The following IFT52 variants were observed in gnomAD, a reference collection of about 807,000 sequenced individuals.
IFT52 encodes the protein intraflagellar transport 52.
Under a neutral mutation model 54.4 loss-of-function variants are expected in IFT52, and 44 were observed. The observed-to-expected ratio is 0.81, with a 90% confidence interval of 0.63 to 1.04. The LOEUF (loss-of-function observed/expected upper bound fraction) is 1.04, where lower values mean the gene tolerates loss of function less well. Ranked by LOEUF, IFT52 falls within the 50% of genes least tolerant of loss-of-function variation. The pLI is 0.00. For missense variants in IFT52, 452 were observed against 523.6 expected, an observed-to-expected ratio of 0.86 and a Z score of 1.33; for synonymous variants, 181 against 185.3, an observed-to-expected ratio of 0.98 and a Z score of 0.19.
In IFT52 at chr20:43,614,940, C is replaced by T. The variant is rs549998995; in HGVS notation, c.612+964C>T. Among the ~76,000 whole-genome samples the T allele has an allele frequency of 5.9e-5, 9 of 152,024 alleles. No individual in the cohort carries two copies. The South Asian group carries it at 1.2e-3, about 21-fold the overall frequency. On this transcript the variant is annotated intron_variant, in intron 7 of 13. Coordinates refer to ENST00000373030, the MANE Select transcript of IFT52 (RefSeq NM_016004.5). ...TCTCCTGCCTCAGCCTCCCGAGTAGCTGGGATTACAGGTGCCTGCCACCAA... is the reference window on the plus strand; with the variant it reads ...TCTCCTGCCTCAGCCTCCCGAGTAGTTGGGATTACAGGTGCCTGCCACCAA...
At chr20:43,619,576 G>A (rs73274318) in intron 8 of IFT52, among the ~76,000 whole-genome samples, 3 of 152,188 alleles carry the variant, frequency 2.0e-5, no homozygotes, top group East Asian at 1.9e-4. Context: ...CCTGAATTAC[G>A]GGAGTCAAGG....
intron 6 of IFT52, among the ~76,000 whole-genome samples, chr20:43,607,256 G>A (rs1181660405): frequency 6.4e-5 from 9 of 141,022 alleles, no homozygotes; most frequent in East Asian, 6.2e-4. Flanking sequence ...CTGGCCGGGC[G>A]GGGGGCTGAC....
chr20:43,614,375 C>T (rs1452991589), intron 7 of IFT52, among the ~76,000 whole-genome samples: 1 of 151,902 alleles, frequency 6.6e-6, no homozygotes, highest in Non-Finnish European at 1.5e-5. Flanking sequence ...GCTAAGACTA[C>T]AGGCACCTAC....
intron 8 of IFT52, among the ~76,000 whole-genome samples, chr20:43,620,432 T>G (rs1433609321): frequency 6.6e-6 from 1 of 152,036 alleles, no homozygotes; most frequent in East Asian, 1.9e-4. Flanking sequence ...CCGAGACAGG[T>G]GGATCACCTG....
intron 6 of IFT52, among the ~76,000 whole-genome samples, chr20:43,611,985 A>G (rs1983485939): frequency 6.6e-6 from 1 of 152,002 alleles, no homozygotes. Flanking sequence ...AGCTGAGATC[A>G]CGCCATTGCA....
intron 2 of IFT52, among the ~76,000 whole-genome samples, chr20:43,595,316 CAAAAA>C (rs34012263): frequency 1.6e-3 from 100 of 62,922 alleles, no homozygotes; most frequent in African/African-American, 4.3e-3. Flanking sequence ...GACTCCGTCT[CAAAAA>C]AAAAAAAAAA....
At chr20:43,597,365 C>T (rs1262467875) in intron 3 of IFT52, among the ~76,000 whole-genome samples, 3 of 91,246 alleles carry the variant, frequency 3.3e-5, no homozygotes, top group African/African-American at 4.6e-5. Flanking sequence ...GAGCAAAACT[C>T]CATCTCAAAA....
At chr20:43,634,073 T>A (rs905494518) in intron 10 of IFT52, among the ~76,000 whole-genome samples, 4 of 151,654 alleles carry the variant, frequency 2.6e-5, no homozygotes, top group African/African-American at 9.7e-5. Flanking sequence ...CTCAGGAGGC[T>A]GAGGTAGGAT....
chr20:43,594,649 G>A, intron 1 of IFT52, 44 bp from the exon 2 acceptor site: 1 of 1,069,174 alleles, frequency 9.4e-7, no homozygotes, highest in Non-Finnish European at 1.5e-6. Context: ...AGGGTCTTTG[G>A]AATATTGTTT....
At chr20:43,642,263 T>A in intron 12 of IFT52, 2 of 477,494 alleles carry the variant, frequency 4.2e-6, no homozygotes, top group South Asian at 3.6e-5. Flanking sequence ...AGTCCAGTTT[T>A]ATTCTGATTA....
chr20:43,610,780 C>T (rs1432639466), intron 6 of IFT52, among the ~76,000 whole-genome samples: 2 of 151,804 alleles, frequency 1.3e-5, no homozygotes, highest in African/African-American at 2.4e-5. Flanking sequence ...CTAATTATTT[C>T]ACTTTGTGTC....
In IFT52 at chr20:43,644,328, C is replaced by A. The variant is rs1335320209; in HGVS notation, c.1266+1704C>A. 6.9e-5 allele frequency among the ~76,000 whole-genome samples: 4 copies of A among 58,324 alleles called. 2 individuals carry two copies. Among genetic ancestry groups the A allele is most frequent in the African/African-American group, 2.0e-4 (4 of 20,216 alleles). 38.3% of individuals were successfully genotyped at this position (58,324 alleles called of 152,430 possible). A position where few individuals can be genotyped will look rare whatever the true frequency, so the allele number is the denominator to read the frequency against. On this transcript the variant is annotated intron_variant, in intron 13 of 13. Transcript: ENST00000373030. ...CCCTAAAATGTATATACCGTTGACC[C>A]ATTCTAATCTTCAGAATTTGTTTTA...
chr20:43,634,966 C>G (rs745773013), intron 10 of IFT52, among the ~76,000 whole-genome samples: 1 of 152,094 alleles, frequency 6.6e-6, no homozygotes, highest in African/African-American at 2.4e-5. Context: ...GTCAGGAGTT[C>G]AAGACCAGCC....
intron 3 of IFT52, among the ~76,000 whole-genome samples, chr20:43,602,171 A>ATTTATTTATTTC: frequency 6.6e-6 from 1 of 151,034 alleles, no homozygotes; most frequent in Admixed American, 6.6e-5. Flanking sequence ...TTATTTATTT[A>ATTTATTTATTTC]TTTATTTATT....
At chr20:43,646,254 CAA>C (rs1428134222) in intron 13 of IFT52, among the ~76,000 whole-genome samples, 1 of 151,594 alleles carries the variant, frequency 6.6e-6, no homozygotes, top group Non-Finnish European at 1.5e-5. Context: ...ACTTTTGCAG[CAA>C]AAAAAGAGTG....
intron 9 of IFT52, 42 bp downstream of exon 9, chr20:43,620,967 TC>T: frequency 7.1e-7 from 1 of 1,416,676 alleles, no homozygotes; most frequent in Non-Finnish European, 1.0e-6. Context: ...GAAAAATGAG[TC>T]CAGCTTCTCA....
intron 7 of IFT52, among the ~76,000 whole-genome samples, chr20:43,615,990 T>C (rs769088911): frequency 1.3e-5 from 2 of 152,112 alleles, no homozygotes; most frequent in Non-Finnish European, 2.9e-5. Flanking sequence ...CTTTGCAGCA[T>C]TTGCTTTTAA....
chr20:43,642,677 TTC>T, intron 13 of IFT52, 53 bp downstream of exon 13: 1 of 1,540,198 alleles, frequency 6.5e-7, no homozygotes, highest in Non-Finnish European at 8.9e-7. Context: ...TACTGGTATC[TTC>T]CATGGACTGT....
intron 4 of IFT52, 23 bp from the exon 5 acceptor site, chr20:43,604,160 C>T: frequency 1.3e-6 from 2 of 1,549,188 alleles, no homozygotes; most frequent in East Asian, 2.2e-5. Context: ...TAAAATATAC[C>T]TCCTTCTCTT....
Sources: allele counts gnomAD v4.1 joint callset (sites outside exome capture counted in the v4.1 genomes callset), GRCh38; gene constraint gnomAD v4.1.1; transcripts MANE v1.5; gene names NCBI Gene and HGNC (gene_info 2026-07-23, HGNC 2026-07-21).